GNG12: variants seen among roughly 807,000 people sequenced by gnomAD.
The protein encoded by GNG12 is guanine nucleotide-binding protein G(I)/G(S)/G(O) subunit gamma-12.
For synonymous variants in GNG12, 28 were observed against 29.7 expected (o/e 0.94, Z 0.19); for missense variants, 69 against 83.8 (o/e 0.82, Z 0.69).
intron 2 of GNG12, among the ~76,000 whole-genome samples, chr1:67,769,511 G>T (rs557529319): frequency 7.4e-4 from 113 of 152,280 alleles, no homozygotes; most frequent in Non-Finnish European, 3.7e-4. Flanking sequence ...TGATCAAAAT[G>T]CTTCCATGAA....
At position 67,747,130 on chromosome 1, in the gene GNG12, T is replaced by C. The variant is rs2100720419; in HGVS notation, c.-27+30328A>G. Among the ~76,000 whole-genome samples the C allele has an allele frequency of 1.3e-5, 2 of 152,336 alleles. 1 individual carries two copies. The highest frequency in any genetic ancestry group is 4.1e-4 in the South Asian group (2 of 4,828). Reference sequence around the variant, plus strand: ...AAGCATAAAGAATCTTTTTGTTTGTTTGTTTTTGAGACGGACTCTTGCTCT... The same window carrying C: ...AAGCATAAAGAATCTTTTTGTTTGTCTGTTTTTGAGACGGACTCTTGCTCT... On this transcript the variant is annotated intron_variant, in intron 2 of 3. Coordinates refer to ENST00000370982, the MANE Select transcript of GNG12 (RefSeq NM_018841.6).
At chr1:67,808,281 C>A (rs1004461697) in intron 1 of GNG12, among the ~76,000 whole-genome samples, 1 of 151,822 alleles carries the variant, frequency 6.6e-6, no homozygotes, top group Non-Finnish European at 1.5e-5. Context: ...TTTAAAAAAA[C>A]TATGTAAACT....
chr1:67,745,202 T>C (rs571192631), intron 2 of GNG12, among the ~76,000 whole-genome samples: 7 of 152,314 alleles, frequency 4.6e-5, no homozygotes, highest in South Asian at 2.1e-4. Context: ...ACCAGGGTAA[T>C]AGATGTGTCA....
chr1:67,734,285 G>A (rs535822929), intron 2 of GNG12, among the ~76,000 whole-genome samples: 10 of 152,096 alleles, frequency 6.6e-5, no homozygotes, highest in Admixed American at 5.2e-4. Flanking sequence ...GAGGAAAGGA[G>A]GGTGAGGGCA....
intron 1 of GNG12, among the ~76,000 whole-genome samples, chr1:67,817,568 C>A (rs1646959907): frequency 7.2e-6 from 1 of 138,978 alleles, no homozygotes; most frequent in African/African-American, 2.5e-5. Flanking sequence ...TCAGGCATAG[C>A]CCGGCACACC....
chr1:67,779,948 T>A (rs1646728063), intron 1 of GNG12, among the ~76,000 whole-genome samples: 1 of 152,172 alleles, frequency 6.6e-6, no homozygotes, highest in East Asian at 1.9e-4. Flanking sequence ...TATTTGTGTA[T>A]CTAAACATAG....
chr1:67,716,722 C>G (rs1646327714), intron 2 of GNG12, among the ~76,000 whole-genome samples: 1 of 152,208 alleles, frequency 6.6e-6, no homozygotes, highest in Admixed American at 6.5e-5. Context: ...ATACAGAAGA[C>G]ATGGCCTCCA....
intron 2 of GNG12, among the ~76,000 whole-genome samples, chr1:67,726,234 T>A (rs369393498): frequency 5.3e-5 from 8 of 152,242 alleles, no homozygotes; most frequent in African/African-American, 1.9e-4. Context: ...TTCACAAATA[T>A]TGACATCTAC....
At chr1:67,709,863 T>A (rs1265753521) in intron 2 of GNG12, among the ~76,000 whole-genome samples, 1 of 125,522 alleles carries the variant, frequency 8.0e-6, no homozygotes, top group Non-Finnish European at 1.6e-5. Flanking sequence ...TATATATATA[T>A]AGTTATATAT....
At chr1:67,719,942 A>G (rs1231880408) in intron 2 of GNG12, among the ~76,000 whole-genome samples, 1 of 152,248 alleles carries the variant, frequency 6.6e-6, no homozygotes, top group Non-Finnish European at 1.5e-5. Context: ...CATGCGATGT[A>G]GCAACCAACA....
At chr1:67,787,069 G>GTGTGTGTGTA (rs766685047) in intron 1 of GNG12, among the ~76,000 whole-genome samples, 1 of 145,710 alleles carries the variant, frequency 6.9e-6, no homozygotes, top group East Asian at 2.0e-4. Context: ...GTGTGTGTGT[G>GTGTGTGTGTA]TATAGTCCCC....
chr1:67,710,885 G>A (rs1245665023), intron 2 of GNG12, among the ~76,000 whole-genome samples: 1 of 152,126 alleles, frequency 6.6e-6, no homozygotes, highest in African/African-American at 2.4e-5. Context: ...GAGTACTACT[G>A]CTACTAAGTA....
At chr1:67,806,257 G>T (rs773244123) in intron 1 of GNG12, among the ~76,000 whole-genome samples, 55 of 152,076 alleles carry the variant, frequency 3.6e-4, no homozygotes, top group Non-Finnish European at 6.3e-4. Context: ...AATTTTAATT[G>T]ATTTAACAGA....
At chr1:67,717,698 G>C (rs1230718183) in intron 2 of GNG12, among the ~76,000 whole-genome samples, 1 of 152,108 alleles carries the variant, frequency 6.6e-6, no homozygotes, top group Non-Finnish European at 1.5e-5. Flanking sequence ...AACAGCCATT[G>C]CTTTCTGAAA....
chr1:67,743,158 A>C (rs1646491680), intron 2 of GNG12, among the ~76,000 whole-genome samples: 1 of 152,194 alleles, frequency 6.6e-6, no homozygotes, highest in African/African-American at 2.4e-5. Flanking sequence ...TGTTACCATG[A>C]AGCCACCTTC....
chr1:67,728,591 T>A (rs776533402), intron 2 of GNG12, among the ~76,000 whole-genome samples: 5 of 152,020 alleles, frequency 3.3e-5, no homozygotes, highest in Non-Finnish European at 5.9e-5. Flanking sequence ...ACCTTAGAGG[T>A]GGCACAACAG....
chr1:67,832,841 C>T (rs747269517), intron 1 of GNG12, among the ~76,000 whole-genome samples: 1 of 152,118 alleles, frequency 6.6e-6, no homozygotes, highest in Non-Finnish European at 1.5e-5. Context: ...GGCAGAGGGG[C>T]GTGGCGTCCC....
At chr1:67,823,740 T>G (rs1646996345) in intron 1 of GNG12, among the ~76,000 whole-genome samples, 1 of 152,224 alleles carries the variant, frequency 6.6e-6, no homozygotes, top group Admixed American at 6.5e-5. Context: ...AATGGTTCAA[T>G]CTTTCCGGAG....
intron 2 of GNG12, among the ~76,000 whole-genome samples, chr1:67,767,798 T>A (rs1646649916): frequency 1.3e-5 from 2 of 152,264 alleles, no homozygotes; most frequent in South Asian, 4.1e-4. Context: ...GTAGCTTGTT[T>A]TCACATGTGC....
Sources: allele counts gnomAD v4.1 joint callset (sites outside exome capture counted in the v4.1 genomes callset), GRCh38; gene constraint gnomAD v4.1.1; transcripts MANE v1.5; gene names NCBI Gene and HGNC (gene_info 2026-07-23, HGNC 2026-07-21).